The following ADAMTS12 variants were observed in gnomAD, a reference collection of about 807,000 sequenced individuals.
ADAMTS12 encodes ADAM metallopeptidase with thrombospondin type 1 motif 12.
Under a neutral mutation model 167.8 loss-of-function variants are expected in ADAMTS12, and 118 were observed. The ratio of observed to expected loss-of-function variants is 0.70; its 90% CI spans 0.61 to 0.82. ADAMTS12 has a LOEUF of 0.82. Ranked by LOEUF, ADAMTS12 falls within the 40% of genes least tolerant of loss-of-function variation. The probability of loss-of-function intolerance (pLI) is 0.00; values close to 1 mark genes in which losing one functional copy is unlikely to be tolerated. For synonymous variants in ADAMTS12, 704 were observed against 716.9 expected, an observed-to-expected ratio of 0.98 and a Z score of 0.29; for missense variants, 1,916 against 1,998.8, an observed-to-expected ratio of 0.96 and a Z score of 0.79.
intron 2 of ADAMTS12, among the ~76,000 whole-genome samples, chr5:33,800,311 C>G (rs914253670): frequency 6.6e-6 from 1 of 152,198 alleles, no homozygotes; most frequent in East Asian, 1.9e-4. Flanking sequence ...TGCCCAAAGA[C>G]CTTAGTCTAG....
rs1301087072 is a variant in ADAMTS12, at chr5:33,805,925, T to TTAA, written c.490-54378_490-54377insTTA. Among the ~76,000 whole-genome samples, 3 of 146,558 alleles carry TTAA rather than the reference T, an allele frequency of 2.0e-5. No homozygotes were observed. In the East Asian group the frequency reaches 5.9e-4, roughly 29 times the overall value. On this transcript the variant is annotated intron_variant, in intron 2 of 23. Transcript: ENST00000504830. ...GGGGAAAAAAAAGCCACCTCTCATT[T>TTAA]AAAAAAAAAAAAAGACTTTGTAAAG...
At chr5:33,583,586 T>G (rs978339421) in intron 18 of ADAMTS12, among the ~76,000 whole-genome samples, 11 of 152,220 alleles carry the variant, frequency 7.2e-5, no homozygotes, top group African/African-American at 2.7e-4. Context: ...TCCACAGTGG[T>G]TAAACTATTT....
chr5:33,840,390 A>T (rs1457747548), intron 2 of ADAMTS12: 1 of 152,146 alleles, frequency 6.6e-6, no homozygotes, highest in Non-Finnish European at 1.5e-5. Context: ...TCACCCTTTA[A>T]TTAACCATGG....
chr5:33,549,875 A>T (rs1287580734), intron 20 of ADAMTS12, among the ~76,000 whole-genome samples: 1 of 152,204 alleles, frequency 6.6e-6, no homozygotes, highest in Non-Finnish European at 1.5e-5. Context: ...TTTCTCTATG[A>T]TGCTGGATGC....
chr5:33,890,235 T>C (rs113034428), intron 1 of ADAMTS12, among the ~76,000 whole-genome samples: 1,770 of 152,272 alleles, frequency 0.012, 14 homozygotes, highest in Non-Finnish European at 0.019. Context: ...CATCTCCAAA[T>C]GCCCTGGGAA....
intron 14 of ADAMTS12, 101 bp downstream of exon 14, chr5:33,624,130 C>T (rs1739464447): frequency 2.6e-6 from 4 of 1,511,640 alleles, no homozygotes; most frequent in Non-Finnish European, 3.6e-6. Flanking sequence ...AAATCACAGA[C>T]TGTTTAAAGA....
chr5:33,594,797 C>T (rs981699781), intron 17 of ADAMTS12, among the ~76,000 whole-genome samples: 18 of 152,178 alleles, frequency 1.2e-4, no homozygotes, highest in African/African-American at 4.1e-4. Context: ...ACCCTGGCCT[C>T]TGGGTCCTGC....
chr5:33,628,311 G>A (rs1375864085), intron 13 of ADAMTS12, among the ~76,000 whole-genome samples: 1 of 152,020 alleles, frequency 6.6e-6, no homozygotes, highest in Non-Finnish European at 1.5e-5. Context: ...GGTGAGTAGG[G>A]CATTTGCTCA....
intron 13 of ADAMTS12, among the ~76,000 whole-genome samples, chr5:33,624,590 G>A (rs1007239056): frequency 3.9e-5 from 6 of 152,202 alleles, no homozygotes; most frequent in African/African-American, 7.2e-5. Flanking sequence ...CTAATTTCCC[G>A]AGTCAGAGGC....
chr5:33,730,485 T>C (rs1007910684), intron 3 of ADAMTS12, among the ~76,000 whole-genome samples: 4 of 152,182 alleles, frequency 2.6e-5, no homozygotes, highest in Admixed American at 6.5e-5. Flanking sequence ...GTGGTTAAAA[T>C]ATAGTTTAAA....
chr5:33,884,384 C>T (rs752471010), intron 1 of ADAMTS12, among the ~76,000 whole-genome samples: 2 of 152,218 alleles, frequency 1.3e-5, no homozygotes, highest in Non-Finnish European at 2.9e-5. Context: ...TCCCATCCCA[C>T]GTCATGAAAA....
At chr5:33,583,439 C>T (rs1263060682) in intron 18 of ADAMTS12, among the ~76,000 whole-genome samples, 1 of 147,998 alleles carries the variant, frequency 6.8e-6, no homozygotes, top group Admixed American at 6.6e-5. Flanking sequence ...TTGCAAACAG[C>T]GCTGCAACAA....
chr5:33,755,845 AAAGAC>A, intron 2 of ADAMTS12, among the ~76,000 whole-genome samples: 1 of 152,330 alleles, frequency 6.6e-6, no homozygotes, highest in South Asian at 2.1e-4. Flanking sequence ...TTGTAGTGAC[AAAGAC>A]AACACAACAC....
intron 5 of ADAMTS12, among the ~76,000 whole-genome samples, chr5:33,680,840 T>C (rs1742086924): frequency 6.6e-6 from 1 of 152,146 alleles, no homozygotes; most frequent in South Asian, 2.1e-4. Flanking sequence ...CTAAGTTAGA[T>C]ACAAAATTAG....
chr5:33,534,623 A>T (rs908939255), intron 23 of ADAMTS12, among the ~76,000 whole-genome samples: 3 of 152,230 alleles, frequency 2.0e-5, no homozygotes, highest in African/African-American at 4.8e-5. Context: ...ATAATAATAA[A>T]AAAAGAAAAA....
chr5:33,752,026 A>G (rs1384790530), intron 2 of ADAMTS12, among the ~76,000 whole-genome samples: 1 of 152,192 alleles, frequency 6.6e-6, no homozygotes, highest in East Asian at 1.9e-4. Context: ...GTTTAATGGC[A>G]CTCTTCACTC....
At chr5:33,623,321 A>C (rs1326161528) in intron 14 of ADAMTS12, among the ~76,000 whole-genome samples, 2 of 152,194 alleles carry the variant, frequency 1.3e-5, no homozygotes, top group Non-Finnish European at 2.9e-5. Flanking sequence ...TGGAATCCAG[A>C]GAATTAACAG....
intron 1 of ADAMTS12, among the ~76,000 whole-genome samples, chr5:33,883,289 A>T (rs899019896): frequency 6.6e-6 from 1 of 151,584 alleles, no homozygotes; most frequent in Non-Finnish European, 1.5e-5. Context: ...CTACAATTAT[A>T]AAAGAGTTTT....
intron 3 of ADAMTS12, among the ~76,000 whole-genome samples, chr5:33,749,023 C>G (rs1744885685): frequency 6.6e-6 from 1 of 152,180 alleles, no homozygotes; most frequent in Non-Finnish European, 1.5e-5. Flanking sequence ...TGATCACACA[C>G]AGTTGATACT....
Sources: gnomAD v4.1 joint callset for allele counts (sites outside exome capture counted in the v4.1 genomes callset) on GRCh38, gnomAD v4.1.1 for gene constraint, MANE v1.5 for transcripts, NCBI Gene and HGNC (gene_info 2026-07-23, HGNC 2026-07-21) for gene names.